SV2B: variants seen among roughly 807,000 people sequenced by gnomAD.
SV2B encodes synaptic vesicle glycoprotein 2B.
A neutral mutation model predicts 73.9 loss-of-function variants in SV2B; 41 were observed. That is an observed-to-expected ratio of 0.56 (90% CI 0.43 to 0.72). SV2B has a LOEUF of 0.72. Among genes scored for constraint, SV2B ranks in the 30% least tolerant of loss-of-function variants. The pLI, the probability that SV2B is intolerant of heterozygous loss-of-function variation, is 0.00. For missense variants in SV2B, 764 were observed against 857.8 expected (o/e 0.89, Z 1.37); for synonymous variants, 314 against 314.2 (o/e 1.00, Z 0.01).
intron 1 of SV2B, among the ~76,000 whole-genome samples, chr15:91,215,052 C>T (rs1016391502): frequency 6.6e-6 from 1 of 152,218 alleles, no homozygotes; most frequent in Non-Finnish European, 1.5e-5. Flanking sequence ...GGAGCGCTGC[C>T]TGCAGGAGGG....
At position 91,301,022 on chromosome 15, in the gene SV2B, A is replaced by G. The variant is rs2049426483; in HGVS notation, c.*8470A>G. On this transcript the variant is annotated 3_prime_UTR_variant, in exon 13 of 13. Coordinates refer to ENST00000394232, the MANE Select transcript of SV2B (RefSeq NM_001323032.3). The surrounding 1 kb of genome is among the most constrained non-coding windows in gnomAD (Gnocchi z 4.3). ...TTCTGTAACGCACCTTCAACCTGAG[A>G]TAATTAAGAGTCATTACGTTTCCCA... 6.6e-6 allele frequency: 1 copy of G among 152,220 alleles called. No homozygotes were observed. The allele number at this position is 152,220 out of a possible 1,614,324, so 9.4% of individuals were successfully genotyped here. A position where few individuals can be genotyped will look rare whatever the true frequency, so the allele number is the denominator to read the frequency against.
chr15:91,217,458 T>G (rs1340578700), intron 1 of SV2B, among the ~76,000 whole-genome samples: 1 of 152,058 alleles, frequency 6.6e-6, no homozygotes, highest in Non-Finnish European at 1.5e-5. Flanking sequence ...GAGATATACC[T>G]AATGTAAGTG....
Position 91,115,424 on chromosome 15 carries a change from T to G in SV2B, c.-392+15061T>G, listed in dbSNP as rs556915114. Among the ~76,000 whole-genome samples, 6 of 152,102 alleles carry G rather than the reference T, an allele frequency of 3.9e-5. No homozygotes were observed. Among genetic ancestry groups the G allele is most frequent in the African/African-American group, 1.4e-4 (6 of 41,500 alleles). ...TCTTGCTCTGTTACTCAGGTTGGAG[T>G]ACAGTAGTGTGATCTTGGCTCACTG... is the stretch of plus-strand genomic sequence containing the variant. On this transcript the variant is annotated intron_variant, in intron 1 of 12. Transcript: ENST00000394232. The surrounding 1 kb of genome is among the most constrained non-coding windows in gnomAD (Gnocchi z 4.3).
chr15:91,234,643 A>G lies in SV2B; in HGVS notation c.451+7929A>G, dbSNP rs898828235. 1.2e-4 allele frequency among the ~76,000 whole-genome samples: 18 copies of G among 152,208 alleles called. No homozygotes were observed. The highest frequency in any genetic ancestry group is 2.4e-4 in the Non-Finnish European group (16 of 68,028). The stretch of plus-strand genomic sequence containing the variant: ...CAAGTGAACAGAAGTCTCATGAAAT[A>G]TAGAAACAGAGCATCATGGCTTCTT... On this transcript the variant is annotated intron_variant, in intron 2 of 12. Transcript: ENST00000394232. The surrounding 1 kb of genome is among the most constrained non-coding windows in gnomAD (Gnocchi z 5.6).
intron 1 of SV2B, among the ~76,000 whole-genome samples, chr15:91,134,497 C>G (rs1356266098): frequency 6.6e-6 from 1 of 152,164 alleles, no homozygotes; most frequent in African/African-American, 2.4e-5. Context: ...GGATCCAAAC[C>G]TGCAAGAGAG....
In SV2B at chr15:91,236,490, TG is replaced by T. The variant is rs1242961354; in HGVS notation, c.451+9778del. On this transcript the variant is annotated intron_variant, in intron 2 of 12. Transcript: ENST00000394232. The surrounding 1 kb of genome is among the most constrained non-coding windows in gnomAD (Gnocchi z 4.1). ...AGTAAACTGGCATATTTACTGAGAA[TG>T]GAGGTGGAAGTTGCAGAGTTGGGAG... Among the ~76,000 whole-genome samples, 13 of 152,278 alleles carry T rather than the reference TG, an allele frequency of 8.5e-5. No homozygotes were observed. Among genetic ancestry groups the T allele is most frequent in the African/African-American group, 3.1e-4 (13 of 41,550 alleles).
At chr15:91,188,944 G>A (rs548357677) in intron 1 of SV2B, among the ~76,000 whole-genome samples, 4 of 151,954 alleles carry the variant, frequency 2.6e-5, no homozygotes, top group Admixed American at 6.6e-5. Context: ...CTCTAGCCTC[G>A]GCCTCCCAAA....
intron 1 of SV2B, among the ~76,000 whole-genome samples, chr15:91,181,060 G>T (rs2044535369): frequency 6.6e-6 from 1 of 152,182 alleles, no homozygotes; most frequent in African/African-American, 2.4e-5. Context: ...GTGATGTACA[G>T]ATGGGTTTTT....
In SV2B at chr15:91,241,977, T is replaced by G. The variant is rs953696709; in HGVS notation, c.452-9842T>G. On this transcript the variant is annotated intron_variant, in intron 2 of 12. Coordinates refer to ENST00000394232, the MANE Select transcript of SV2B (RefSeq NM_001323032.3). This position sits in a 1 kb window ranked among gnomAD's most constrained non-coding sequence, Gnocchi z 4.8. ...AATGAATGAGTGAGGACGTTTCATC[T>G]TTAAGCAGGAGTTAATCCTCGCCTC... Among the ~76,000 whole-genome samples the G allele has an allele frequency of 8.6e-5, 13 of 151,564 alleles. No homozygotes were observed. The highest frequency in any genetic ancestry group is 3.2e-4 in the African/African-American group (13 of 40,886).
chr15:91,270,213 C>T (rs768863085), intron 9 of SV2B, among the ~76,000 whole-genome samples: 2 of 152,104 alleles, frequency 1.3e-5, no homozygotes, highest in Non-Finnish European at 2.9e-5. Context: ...TTTAGTGATA[C>T]ATTATTTTGA....
chr15:91,153,114 G>A (rs11637698), intron 1 of SV2B, among the ~76,000 whole-genome samples: 41,419 of 152,018 alleles, frequency 0.27, 6,275 homozygotes, highest in Non-Finnish European at 0.33. Flanking sequence ...ATATGGCAGG[G>A]GAGATGGAGG....
In SV2B at chr15:91,115,379, CT is replaced by C. The variant is rs530669670; in HGVS notation, c.-392+15026del. Among the ~76,000 whole-genome samples the C allele has an allele frequency of 1.7e-3, 251 of 148,388 alleles. 5 individuals are homozygous for C. In the South Asian group the frequency reaches 0.043, roughly 25 times the overall value. ...TGGGCTATTTCTCCATCTCCCCTTC[CT>C]TTTTTTTTTGAAACAGAGTCTTGCT... is the stretch of plus-strand genomic sequence containing the variant. On this transcript the variant is annotated intron_variant, in intron 1 of 12. Transcript: ENST00000394232. This position sits in a 1 kb window ranked among gnomAD's most constrained non-coding sequence, Gnocchi z 4.3.
In SV2B at chr15:91,208,329, C is replaced by T. The variant is rs57570463; in HGVS notation, c.-391-17544C>T. 1.1e-4 allele frequency among the ~76,000 whole-genome samples: 17 copies of T among 152,230 alleles called. No homozygotes were observed. In the South Asian group the frequency reaches 1.5e-3, roughly 13 times the overall value. On this transcript the variant is annotated intron_variant, in intron 1 of 12. Transcript: ENST00000394232. The stretch of plus-strand genomic sequence containing the variant: ...ATAACCTCTTTTTTCTTATATCTCT[C>T]GGGGAATCATTGCTTTGTGATTTAT...
At chr15:91,259,822 C>T (rs113575270) in intron 5 of SV2B, among the ~76,000 whole-genome samples, 20 of 152,262 alleles carry the variant, frequency 1.3e-4, no homozygotes, top group African/African-American at 4.8e-4. Flanking sequence ...TATATCGAAA[C>T]AAGGCTCCAC....
At chr15:91,179,362 A>G (rs1486773403) in intron 1 of SV2B, among the ~76,000 whole-genome samples, 4 of 152,150 alleles carry the variant, frequency 2.6e-5, no homozygotes, top group African/African-American at 4.8e-5. Flanking sequence ...AAAAAAATAT[A>G]TATTTTGTTG....
In SV2B at chr15:91,203,951, C is replaced by T. The variant is rs112063383; in HGVS notation, c.-391-21922C>T. On this transcript the variant is annotated intron_variant, in intron 1 of 12. Transcript: ENST00000394232. ...TGGCTTAAATAGGAAACCTTCTTGC[C>T]TAGGTTCTCAATCAGGTCCATTTAT... 8.6e-3 allele frequency among the ~76,000 whole-genome samples: 1,311 copies of T among 152,278 alleles called. 21 individuals are homozygous for T. The highest frequency in any genetic ancestry group is 0.03 in the African/African-American group (1,254 of 41,546).
At chr15:91,195,611 G>A (rs1297743312) in intron 1 of SV2B, among the ~76,000 whole-genome samples, 1 of 152,208 alleles carries the variant, frequency 6.6e-6, no homozygotes, top group Non-Finnish European at 1.5e-5. Flanking sequence ...TATTATGGCA[G>A]CATGGTGTAA....
In SV2B at chr15:91,123,060, C is replaced by G. The variant is rs916660795; in HGVS notation, c.-392+22697C>G. On this transcript the variant is annotated intron_variant, in intron 1 of 12. Transcript: ENST00000394232. The surrounding 1 kb of genome is among the most constrained non-coding windows in gnomAD (Gnocchi z 4.7). ...CTGAGGTGGGAGGATCACTTGAGCT[C>G]AGGAGTTTGAGACCAGCCTGGCCAA... is the stretch of plus-strand genomic sequence containing the variant. 1.3e-5 allele frequency among the ~76,000 whole-genome samples: 2 copies of G among 151,862 alleles called. No individual in the cohort carries two copies. Among genetic ancestry groups the G allele is most frequent in the African/African-American group, 4.8e-5 (2 of 41,308 alleles).
intron 1 of SV2B, among the ~76,000 whole-genome samples, chr15:91,104,875 G>T (rs2041837414): frequency 6.6e-6 from 1 of 152,136 alleles, no homozygotes; most frequent in Non-Finnish European, 1.5e-5. Context: ...CAGATGATCT[G>T]CCCGCCTCGG....
Sources: allele counts gnomAD v4.1 joint callset (sites outside exome capture counted in the v4.1 genomes callset), GRCh38; gene constraint gnomAD v4.1.1; non-coding constraint Gnocchi (gnomAD v3.1); transcripts MANE v1.5; gene names NCBI Gene and HGNC (gene_info 2026-07-23, HGNC 2026-07-21).